B4GALT5: variants seen among roughly 807,000 people sequenced by gnomAD.
The protein encoded by B4GALT5 is beta-1,4-galactosyltransferase 5, also known as UDP-Gal:beta-GlcNAc beta-1,4-galactosyltransferase 5.
In B4GALT5, 11 loss-of-function variants were observed where a neutral mutation model predicts 45.0. The ratio of observed to expected loss-of-function variants is 0.24; its 90% CI spans 0.15 to 0.40. The LOEUF (loss-of-function observed/expected upper bound fraction) is 0.40. Ranked by LOEUF, B4GALT5 falls within the 10% of genes least tolerant of loss-of-function variation. B4GALT5 has a pLI of 1.00. For synonymous variants in B4GALT5, 185 were observed against 182.9 expected (o/e 1.01, Z -0.09); for missense variants, 337 against 500.2 (o/e 0.67, Z 3.11).
rs1956871183 is a variant in B4GALT5 at position 49,680,979 on chromosome 20, G to A, written c.116-24277C>T. On this transcript the variant is annotated intron_variant, in intron 1 of 8. Transcript: ENST00000371711. Reference sequence around the variant, plus strand: ...TAATTTAATAAGTTCCAGCACTTTGGGGAGGCTGACGTGGGAGAACTACCT... The same window carrying A: ...TAATTTAATAAGTTCCAGCACTTTGAGGAGGCTGACGTGGGAGAACTACCT... Among the ~76,000 whole-genome samples the A allele has an allele frequency of 5.9e-5, 9 of 152,030 alleles. No homozygotes were observed. In the South Asian group the frequency reaches 1.9e-3, roughly 32 times the overall value.
At chr20:49,693,070 A>G (rs1400731851) in intron 1 of B4GALT5, among the ~76,000 whole-genome samples, 3 of 152,218 alleles carry the variant, frequency 2.0e-5, no homozygotes, top group African/African-American at 7.2e-5. Context: ...AGGCTATACC[A>G]TACAGCCAAG....
intron 2 of B4GALT5, 60 bp downstream of exon 2, chr20:49,656,508 G>A (rs900863333): frequency 1.2e-5 from 19 of 1,587,772 alleles, no homozygotes; most frequent in South Asian, 6.7e-5. Flanking sequence ...TATTGCAACC[G>A]AATTTACCTC....
At chr20:49,647,127 C>A (rs1397807581) in intron 2 of B4GALT5, 49 bp from the exon 3 acceptor site, 2 of 1,182,750 alleles carry the variant, frequency 1.7e-6, no homozygotes, top group Non-Finnish European at 2.5e-6. Context: ...GTGTGATCAA[C>A]CGTGCAATTA....
rs1006128959 is a variant in B4GALT5 at position 49,635,228 on chromosome 20, C to A, written c.*1084G>T. On this transcript the variant is annotated 3_prime_UTR_variant, in exon 9 of 9. Transcript: ENST00000371711. ...GGGGAGGGATTCCCATACACACCCCCGCCCCCCGCCCCCCGCCCCGCCATG... is the reference window on the plus strand; with the variant it reads ...GGGGAGGGATTCCCATACACACCCCAGCCCCCCGCCCCCCGCCCCGCCATG... 6.9e-6 allele frequency: 1 copy of A among 145,248 alleles called. No individual in the cohort carries two copies. Among genetic ancestry groups the A allele is most frequent in the Non-Finnish European group, 1.5e-5 (1 of 65,828 alleles). 9.0% of individuals were successfully genotyped at this position (145,248 alleles called of 1,614,324 possible). A position where few individuals can be genotyped will look rare whatever the true frequency, so the allele number is the denominator to read the frequency against.
At chr20:49,648,341 G>C (rs1330456047) in intron 2 of B4GALT5, among the ~76,000 whole-genome samples, 1 of 152,162 alleles carries the variant, frequency 6.6e-6, no homozygotes, top group African/African-American at 2.4e-5. Flanking sequence ...AGGTTGAGGA[G>C]CCTCTGTTTT....
intron 1 of B4GALT5, among the ~76,000 whole-genome samples, chr20:49,708,380 A>G (rs1352512977): frequency 1.3e-5 from 2 of 152,238 alleles, no homozygotes; most frequent in Non-Finnish European, 2.9e-5. Flanking sequence ...AAAATTCTCT[A>G]AAAGATTGAC....
At chr20:49,686,817 T>A (rs2085787878) in intron 1 of B4GALT5, among the ~76,000 whole-genome samples, 1 of 150,232 alleles carries the variant, frequency 6.7e-6, no homozygotes, top group African/African-American at 2.5e-5. Context: ...AAGGATCCCT[T>A]CAGCCCAGAA....
At chr20:49,662,956 C>T (rs1361363715) in intron 1 of B4GALT5, among the ~76,000 whole-genome samples, 1 of 152,066 alleles carries the variant, frequency 6.6e-6, no homozygotes, top group Admixed American at 6.5e-5. Context: ...TGTTATAGTC[C>T]AAAACTAGAA....
At chr20:49,684,507 G>C in intron 1 of B4GALT5, 1 of 503,284 alleles carries the variant, frequency 2.0e-6, no homozygotes, top group Non-Finnish European at 4.0e-6. Context: ...AGCTTGCAGT[G>C]AGCCAAGGTT....
chr20:49,709,017 G>A (rs6067191), intron 1 of B4GALT5, among the ~76,000 whole-genome samples: 38,583 of 151,356 alleles, frequency 0.25, 6,002 homozygotes, highest in South Asian at 0.47. Context: ...TAACTGTTTC[G>A]ACAATTTGCT....
At chr20:49,704,296 T>C (rs527468198) in intron 1 of B4GALT5, among the ~76,000 whole-genome samples, 2 of 152,336 alleles carry the variant, frequency 1.3e-5, no homozygotes, top group South Asian at 4.1e-4. Flanking sequence ...TTATCCATAC[T>C]TTTAGGACTA....
At chr20:49,709,386 C>T (rs569251791) in intron 1 of B4GALT5, among the ~76,000 whole-genome samples, 1 of 152,190 alleles carries the variant, frequency 6.6e-6, no homozygotes, top group Admixed American at 6.5e-5. Flanking sequence ...ATCAAATCCA[C>T]CACTTTCTCT....
At chr20:49,652,151 T>G (rs1601251185) in intron 2 of B4GALT5, among the ~76,000 whole-genome samples, 1 of 152,188 alleles carries the variant, frequency 6.6e-6, no homozygotes, top group African/African-American at 2.4e-5. Flanking sequence ...TCGCTAGCAG[T>G]CAGGCACAGA....
At chr20:49,691,496 T>C (rs963448721) in intron 1 of B4GALT5, among the ~76,000 whole-genome samples, 4 of 152,092 alleles carry the variant, frequency 2.6e-5, no homozygotes, top group Admixed American at 6.6e-5. Flanking sequence ...CACTCCAGCC[T>C]GAGTGACAGA....
chr20:49,674,087 A>C (rs1318381616), intron 1 of B4GALT5, among the ~76,000 whole-genome samples: 1 of 110,168 alleles, frequency 9.1e-6, no homozygotes, highest in African/African-American at 4.5e-5. Flanking sequence ...AATACAAAAA[A>C]AAAAAAAAAA....
At chr20:49,655,980 G>A (rs1234247719) in intron 2 of B4GALT5, among the ~76,000 whole-genome samples, 4 of 151,080 alleles carry the variant, frequency 2.6e-5, no homozygotes, top group African/African-American at 9.7e-5. Flanking sequence ...AATGTATTAT[G>A]CTATAGTTTA....
At chr20:49,661,038 C>A (rs562654670) in intron 1 of B4GALT5, among the ~76,000 whole-genome samples, 1 of 152,284 alleles carries the variant, frequency 6.6e-6, no homozygotes, top group African/African-American at 2.4e-5. Flanking sequence ...CATATGCATA[C>A]ACATGTTGCT....
At chr20:49,690,510 T>C (rs534097955) in intron 1 of B4GALT5, among the ~76,000 whole-genome samples, 48 of 150,482 alleles carry the variant, frequency 3.2e-4, no homozygotes, top group Non-Finnish European at 6.8e-4. Flanking sequence ...GATTGAACCA[T>C]TGCACTCCAG....
chr20:49,698,080 G>A (rs1394881447), intron 1 of B4GALT5, among the ~76,000 whole-genome samples: 5 of 152,256 alleles, frequency 3.3e-5, no homozygotes, highest in Non-Finnish European at 5.9e-5. Context: ...CCAGCTACTC[G>A]AGAGGCAGAG....
Sources: gnomAD v4.1 joint callset for allele counts (sites outside exome capture counted in the v4.1 genomes callset) on GRCh38, gnomAD v4.1.1 for gene constraint, MANE v1.5 for transcripts, NCBI Gene and HGNC (gene_info 2026-07-23, HGNC 2026-07-21) for gene names.